Variants in MACROD2 observed in about 807,000 individuals in gnomAD.
The protein encoded by MACROD2 is ADP-ribose glycohydrolase MACROD2.
A neutral mutation model predicts 70.4 loss-of-function variants in MACROD2; 36 were observed. The observed-to-expected ratio is 0.51, with a 90% CI of 0.39 to 0.68. The LOEUF (loss-of-function observed/expected upper bound fraction) is 0.68, where lower values mean the gene tolerates loss of function less well. Ranked by LOEUF, MACROD2 falls within the 30% of genes least tolerant of loss-of-function variation. The pLI, the probability that MACROD2 is intolerant of heterozygous loss-of-function variation, is 0.00. For missense variants in MACROD2, 496 were observed against 538.4 expected (o/e 0.92, Z 0.78); for synonymous variants, 172 against 178.8 (o/e 0.96, Z 0.30).
intron 4 of MACROD2, among the ~76,000 whole-genome samples, chr20:14,549,954 A>G (rs1422384228): frequency 1.4e-5 from 2 of 147,852 alleles, no homozygotes; most frequent in African/African-American, 5.0e-5. Flanking sequence ...TTTAAGATGG[A>G]GTCTTGCTCT....
chr20:14,959,319 C>T (rs192389073), intron 5 of MACROD2, among the ~76,000 whole-genome samples: 28 of 152,048 alleles, frequency 1.8e-4, no homozygotes, highest in Non-Finnish European at 3.5e-4. Flanking sequence ...TTAGTAGAGA[C>T]GGGTTTCGCC....
At chr20:14,715,459 G>C (rs955246276) in intron 5 of MACROD2, among the ~76,000 whole-genome samples, 3 of 152,202 alleles carry the variant, frequency 2.0e-5, no homozygotes, top group Non-Finnish European at 4.4e-5. Flanking sequence ...TTTTAAAAAA[G>C]TGTTACATAG....
At chr20:15,668,087 C>T (rs1311550369) in intron 8 of MACROD2, among the ~76,000 whole-genome samples, 4 of 151,530 alleles carry the variant, frequency 2.6e-5, no homozygotes, top group Non-Finnish European at 5.9e-5. Context: ...TGGTGAAATC[C>T]TCTCTCTACT....
At chr20:14,573,836 C>G (rs1600401583) in intron 4 of MACROD2, among the ~76,000 whole-genome samples, 1 of 152,096 alleles carries the variant, frequency 6.6e-6, no homozygotes, top group East Asian at 1.9e-4. Flanking sequence ...CCAGCTTTGC[C>G]TTAGTTCACT....
At chr20:14,052,590 T>G (rs1317656375) in intron 2 of MACROD2, among the ~76,000 whole-genome samples, 1 of 152,130 alleles carries the variant, frequency 6.6e-6, no homozygotes, top group African/African-American at 2.4e-5. Flanking sequence ...TCCCTAAGTC[T>G]TAAGTTCCTG....
chr20:15,700,902 A>G (rs6110748), intron 8 of MACROD2, among the ~76,000 whole-genome samples: 15,577 of 152,282 alleles, frequency 0.1, 888 homozygotes, highest in South Asian at 0.23. Flanking sequence ...CATCTATCAC[A>G]TAAGTGTTAT....
At chr20:14,074,098 C>G (rs935620934) in intron 2 of MACROD2, among the ~76,000 whole-genome samples, 1 of 152,168 alleles carries the variant, frequency 6.6e-6, no homozygotes, top group Non-Finnish European at 1.5e-5. Flanking sequence ...CTACCTTCAG[C>G]AAGAATCCCA....
At chr20:14,146,271 G>A (rs2054941587) in intron 3 of MACROD2, among the ~76,000 whole-genome samples, 1 of 152,000 alleles carries the variant, frequency 6.6e-6, no homozygotes, top group Non-Finnish European at 1.5e-5. Flanking sequence ...GTGAGCCGAG[G>A]TGGCGCCACT....
intron 8 of MACROD2, among the ~76,000 whole-genome samples, chr20:15,728,261 A>G (rs2050893146): frequency 6.6e-6 from 1 of 152,166 alleles, no homozygotes; most frequent in Non-Finnish European, 1.5e-5. Flanking sequence ...CTACTTGATC[A>G]TGGTGAATTA....
At chr20:14,431,320 T>A (rs904327631) in intron 3 of MACROD2, among the ~76,000 whole-genome samples, 12 of 152,132 alleles carry the variant, frequency 7.9e-5, no homozygotes, top group African/African-American at 2.7e-4. Context: ...GGAAACCCTA[T>A]ACTCTCTGAT....
At chr20:14,150,514 T>A (rs960436582) in intron 3 of MACROD2, among the ~76,000 whole-genome samples, 2 of 152,178 alleles carry the variant, frequency 1.3e-5, no homozygotes, top group African/African-American at 4.8e-5. Context: ...CAAGCAGTAC[T>A]TTTTCCCTCA....
intron 8 of MACROD2, among the ~76,000 whole-genome samples, chr20:15,501,796 G>A: frequency 6.6e-6 from 1 of 152,102 alleles, no homozygotes; most frequent in East Asian, 1.9e-4. Flanking sequence ...ATAATTGGTA[G>A]GTCTTAGATA....
chr20:14,449,082 T>C (rs1036347042), intron 3 of MACROD2, among the ~76,000 whole-genome samples: 1 of 152,112 alleles, frequency 6.6e-6, no homozygotes, highest in Non-Finnish European at 1.5e-5. Flanking sequence ...TTTGAGGTCT[T>C]TATTTGGCCA....
chr20:15,536,988 A>G (rs1313457884), intron 8 of MACROD2, among the ~76,000 whole-genome samples: 4 of 151,832 alleles, frequency 2.6e-5, no homozygotes, highest in Admixed American at 2.6e-4. Flanking sequence ...TGAACTGACT[A>G]CCCTCCTCTG....
chr20:14,207,811 C>A (rs1425429050), intron 3 of MACROD2, among the ~76,000 whole-genome samples: 1 of 152,172 alleles, frequency 6.6e-6, no homozygotes, highest in Non-Finnish European at 1.5e-5. Context: ...TCATACAATT[C>A]CAAGGTTTGG....
chr20:14,137,065 C>T (rs193144283), intron 3 of MACROD2, among the ~76,000 whole-genome samples: 7 of 152,142 alleles, frequency 4.6e-5, no homozygotes, highest in Admixed American at 4.6e-4. Flanking sequence ...AGGCTTACTA[C>T]AAAAAGGGGA....
intron 5 of MACROD2, among the ~76,000 whole-genome samples, chr20:14,881,648 G>T (rs1380494214): frequency 2.0e-5 from 3 of 152,206 alleles, no homozygotes; most frequent in Middle Eastern, 3.4e-3. Context: ...ACAGGCTTTG[G>T]CATCTCCTCA....
At chr20:14,473,503 G>A (rs1394769647) in intron 3 of MACROD2, among the ~76,000 whole-genome samples, 3 of 152,136 alleles carry the variant, frequency 2.0e-5, no homozygotes, top group Non-Finnish European at 4.4e-5. Flanking sequence ...AGGCTGAATA[G>A]TATTCCATTG....
intron 10 of MACROD2, among the ~76,000 whole-genome samples, chr20:15,887,633 A>G (rs1450187868): frequency 6.6e-6 from 1 of 152,124 alleles, no homozygotes; most frequent in Non-Finnish European, 1.5e-5. Flanking sequence ...TAATACCCAC[A>G]TCTGACTCAT....
Sources: gnomAD v4.1 joint callset for allele counts (sites outside exome capture counted in the v4.1 genomes callset) on GRCh38, gnomAD v4.1.1 for gene constraint, MANE v1.5 for transcripts, NCBI Gene and HGNC (gene_info 2026-07-23, HGNC 2026-07-21) for gene names.